NRG3: variants seen among roughly 807,000 people sequenced by gnomAD.
NRG3 encodes pro-neuregulin-3, membrane-bound isoform.
Under a neutral mutation model 66.9 loss-of-function variants are expected in NRG3, and 31 were observed. The observed-to-expected ratio is 0.46, with a 90% confidence interval of 0.35 to 0.63. NRG3 has a LOEUF of 0.63. NRG3 is among the 20% of genes least tolerant of loss of function. The pLI is 0.00. For synonymous variants in NRG3, 393 were observed against 359.4 expected (o/e 1.09, Z -1.06); for missense variants, 910 against 878.9 (o/e 1.04, Z -0.45).
intron 3 of NRG3, among the ~76,000 whole-genome samples, chr10:82,850,520 TAAAAC>T (rs2063510397): frequency 6.6e-6 from 1 of 152,154 alleles, no homozygotes; most frequent in East Asian, 1.9e-4. Context: ...AAAAATTACT[TAAAAC>T]AAAAATTCAA....
chr10:82,685,160 C>A (rs2054420687), intron 2 of NRG3, among the ~76,000 whole-genome samples: 2 of 152,104 alleles, frequency 1.3e-5, no homozygotes, highest in South Asian at 4.1e-4. Flanking sequence ...CTTAACCACA[C>A]CCTCATCTCC....
intron 1 of NRG3, among the ~76,000 whole-genome samples, chr10:82,031,821 C>A (rs1428852001): frequency 6.6e-6 from 1 of 152,034 alleles, no homozygotes; most frequent in Non-Finnish European, 1.5e-5. Flanking sequence ...AGTATATGGC[C>A]TTGCCACTTC....
intron 2 of NRG3, among the ~76,000 whole-genome samples, chr10:82,705,047 C>A (rs867035860): frequency 8.5e-5 from 13 of 152,144 alleles, no homozygotes; most frequent in Admixed American, 6.5e-5. Context: ...GGGCAGCAAT[C>A]ATCAGACAGA....
At chr10:82,661,391 A>G (rs1408656121) in intron 2 of NRG3, among the ~76,000 whole-genome samples, 1 of 152,040 alleles carries the variant, frequency 6.6e-6, no homozygotes, top group Non-Finnish European at 1.5e-5. Flanking sequence ...TAGAATGTCT[A>G]TTATATATTG....
chr10:82,450,513 ATGT>A (rs1386810834), intron 2 of NRG3, among the ~76,000 whole-genome samples: 3 of 152,162 alleles, frequency 2.0e-5, no homozygotes, highest in East Asian at 3.9e-4. Flanking sequence ...GCTCTTTTTG[ATGT>A]TGTGTTCTGA....
intron 2 of NRG3, among the ~76,000 whole-genome samples, chr10:82,553,456 G>A (rs117805232): frequency 0.011 from 1,686 of 152,120 alleles, 17 homozygotes; most frequent in Middle Eastern, 0.068. Context: ...CATGATCATT[G>A]TGTACCCCTG....
At chr10:82,319,303 G>T (rs532173715) in intron 1 of NRG3, among the ~76,000 whole-genome samples, 1 of 152,266 alleles carries the variant, frequency 6.6e-6, no homozygotes, top group Admixed American at 6.5e-5. Flanking sequence ...TTAGTCAATC[G>T]CTTTTTCTAA....
At chr10:82,363,402 G>T (rs912658921) in intron 2 of NRG3, among the ~76,000 whole-genome samples, 2 of 152,166 alleles carry the variant, frequency 1.3e-5, no homozygotes, top group African/African-American at 4.8e-5. Flanking sequence ...AATATTTTTT[G>T]TAGGTAATAT....
intron 2 of NRG3, among the ~76,000 whole-genome samples, chr10:82,491,316 A>ATATATATATATATATATATACATATAT (rs1389375279): frequency 2.9e-5 from 4 of 136,812 alleles, no homozygotes; most frequent in Non-Finnish European, 4.8e-5. Context: ...ATATATATAT[A>ATATATATATATATATATATACATATAT]AAATAAAGAT....
intron 1 of NRG3, among the ~76,000 whole-genome samples, chr10:81,885,054 G>C (rs1262237343): frequency 6.6e-6 from 1 of 152,010 alleles, no homozygotes; most frequent in East Asian, 1.9e-4. Flanking sequence ...CTAAATCTTT[G>C]TACCCATTGA....
At chr10:82,403,497 A>C (rs1018996684) in intron 2 of NRG3, among the ~76,000 whole-genome samples, 7 of 152,172 alleles carry the variant, frequency 4.6e-5, no homozygotes, top group African/African-American at 1.7e-4. Flanking sequence ...CCTCAGCTTG[A>C]AAAGGGCATA....
intron 2 of NRG3, among the ~76,000 whole-genome samples, chr10:82,372,527 A>G (rs1210114198): frequency 1.3e-5 from 2 of 152,208 alleles, no homozygotes; most frequent in Non-Finnish European, 2.9e-5. Context: ...TTTTATCTAC[A>G]TATTTGAGAT....
At chr10:82,492,607 G>A (rs1843251710) in intron 2 of NRG3, among the ~76,000 whole-genome samples, 1 of 152,170 alleles carries the variant, frequency 6.6e-6, no homozygotes, top group Non-Finnish European at 1.5e-5. Context: ...TAGGTATTAT[G>A]AAACCCAGTC....
chr10:82,609,760 C>T (rs575209843), intron 2 of NRG3, among the ~76,000 whole-genome samples: 315 of 152,112 alleles, frequency 2.1e-3, no homozygotes, highest in South Asian at 7.7e-3. Flanking sequence ...TATTCCTCAT[C>T]GTAAATTTAG....
chr10:81,922,521 T>A (rs1220020239), intron 1 of NRG3, among the ~76,000 whole-genome samples: 1 of 152,208 alleles, frequency 6.6e-6, no homozygotes, highest in Non-Finnish European at 1.5e-5. Flanking sequence ...TGACTTTTCG[T>A]TTCTGAGTTA....
chr10:82,626,780 G>C (rs2049454002), intron 2 of NRG3, among the ~76,000 whole-genome samples: 1 of 152,022 alleles, frequency 6.6e-6, no homozygotes, highest in African/African-American at 2.4e-5. Context: ...TGACAGTCAA[G>C]AGCAGAGGCC....
intron 1 of NRG3, among the ~76,000 whole-genome samples, chr10:81,918,513 T>A (rs776740955): frequency 5.3e-5 from 8 of 152,184 alleles, no homozygotes; most frequent in Admixed American, 2.0e-4. Context: ...TATTACCCTG[T>A]GTTCTGGATT....
intron 1 of NRG3, among the ~76,000 whole-genome samples, chr10:82,251,206 C>T (rs2077470216): frequency 6.6e-6 from 1 of 152,178 alleles, no homozygotes; most frequent in African/African-American, 2.4e-5. Context: ...TCACCTCTAA[C>T]AACCCACTGG....
At chr10:82,539,010 C>T (rs1190718665) in intron 2 of NRG3, among the ~76,000 whole-genome samples, 2 of 152,182 alleles carry the variant, frequency 1.3e-5, no homozygotes, top group African/African-American at 4.8e-5. Context: ...ACCTAATACC[C>T]TGAGAGGGCT....
Sources: allele counts gnomAD v4.1 joint callset (sites outside exome capture counted in the v4.1 genomes callset), GRCh38; gene constraint gnomAD v4.1.1; transcripts MANE v1.5; gene names NCBI Gene and HGNC (gene_info 2026-07-23, HGNC 2026-07-21).